The following CCDC18 variants were observed in gnomAD, a reference collection of about 807,000 sequenced individuals.
CCDC18 encodes the protein coiled-coil domain containing 18, also known as coiled-coil domain-containing protein 18.
CCDC18 carries 157 observed loss-of-function variants against 196.0 expected under a neutral mutation model. That is an observed-to-expected ratio of 0.80 (90% CI 0.70 to 0.91). The LOEUF (loss-of-function observed/expected upper bound fraction) is 0.91, where lower values mean the gene tolerates loss of function less well. Ranked by LOEUF, CCDC18 falls within the 40% of genes least tolerant of loss-of-function variation. The pLI is 0.00. For synonymous variants in CCDC18, 482 were observed against 529.2 expected, an observed-to-expected ratio of 0.91 and a Z score of 1.22; for missense variants, 1,465 against 1,611.6, an observed-to-expected ratio of 0.91 and a Z score of 1.56.
intron 23 of CCDC18, 22 bp from the exon 24 acceptor site, chr1:93,254,449 T>C: frequency 2.0e-6 from 3 of 1,514,118 alleles, no homozygotes; most frequent in Non-Finnish European, 2.7e-6. Flanking sequence ...TTACTGATAC[T>C]GCTTATCTGT....
intron 16 of CCDC18, among the ~76,000 whole-genome samples, chr1:93,222,998 AGTATT>A: frequency 6.6e-6 from 1 of 152,294 alleles, no homozygotes; most frequent in Middle Eastern, 3.4e-3. Context: ...ATATTCCTGT[AGTATT>A]CACCAAAACT....
At chr1:93,217,156 C>T (rs916107916) in intron 13 of CCDC18, among the ~76,000 whole-genome samples, 1 of 151,962 alleles carries the variant, frequency 6.6e-6, no homozygotes, top group Non-Finnish European at 1.5e-5. Context: ...AGGATGGTCT[C>T]ATCTCCTGAC....
At chr1:93,234,936 A>AGTGTGTGTGTGTGT (rs3223482) in intron 18 of CCDC18, among the ~76,000 whole-genome samples, 1,814 of 119,292 alleles carry the variant, frequency 0.015, 42 homozygotes, top group African/African-American at 0.033. Context: ...CCCAGCTAAG[A>AGTGTGTGTGTGTGT]GTGTGTGTGT....
At chr1:93,246,249 C>A in intron 22 of CCDC18, 45 bp downstream of exon 22, 1 of 1,357,918 alleles carries the variant, frequency 7.4e-7, no homozygotes, top group Non-Finnish European at 1.0e-6. Context: ...TCTGTTATGA[C>A]ACAGTCACAC....
intron 26 of CCDC18, 31 bp downstream of exon 26, chr1:93,258,916 G>A (rs1261273135): frequency 1.9e-6 from 3 of 1,567,074 alleles, no homozygotes; most frequent in African/African-American, 1.4e-5. Context: ...TTTTGTTAGT[G>A]CCCACTAAAG....
intron 6 of CCDC18, among the ~76,000 whole-genome samples, chr1:93,198,025 A>G (rs968698872): frequency 5.9e-5 from 9 of 152,048 alleles, no homozygotes; most frequent in Admixed American, 1.3e-4. Flanking sequence ...TGCTGGGATT[A>G]CAGGTGTGAG....
intron 24 of CCDC18, among the ~76,000 whole-genome samples, chr1:93,255,446 T>G (rs1468484028): frequency 6.6e-6 from 1 of 152,132 alleles, no homozygotes; most frequent in Non-Finnish European, 1.5e-5. Context: ...AAAGTGAATT[T>G]AGGGTCAGGC....
At chr1:93,265,748 C>T (rs512361) in intron 27 of CCDC18, among the ~76,000 whole-genome samples, 43,607 of 152,084 alleles carry the variant, frequency 0.29, 9,467 homozygotes, top group African/African-American at 0.61. Context: ...AGCTAACTGT[C>T]CTAAATATAT....
intron 14 of CCDC18, among the ~76,000 whole-genome samples, chr1:93,218,702 G>T (rs545615861): frequency 6.6e-6 from 1 of 152,136 alleles, no homozygotes; most frequent in Admixed American, 6.5e-5. Flanking sequence ...TAGAGATGGG[G>T]TTTCACCATG....
intron 24 of CCDC18, among the ~76,000 whole-genome samples, chr1:93,254,934 G>T (rs1255775798): frequency 1.1e-4 from 16 of 142,490 alleles, no homozygotes; most frequent in South Asian, 9.0e-4. Context: ...TAGAATTGAG[G>T]AGTCAGCTTT....
chr1:93,218,241 A>G (rs778185326), intron 14 of CCDC18, among the ~76,000 whole-genome samples: 1 of 152,228 alleles, frequency 6.6e-6, no homozygotes, highest in Admixed American at 6.5e-5. Context: ...ACAGTAAAAA[A>G]AAATAGATAC....
At chr1:93,205,379 C>A in intron 7 of CCDC18, 131 bp from the exon 8 acceptor site, 3 of 712,018 alleles carry the variant, frequency 4.2e-6, no homozygotes, top group Non-Finnish European at 6.6e-6. Context: ...CACTACAAGG[C>A]TGGGGACTTA....
intron 8 of CCDC18, among the ~76,000 whole-genome samples, chr1:93,206,858 G>A (rs1654793139): frequency 6.6e-6 from 1 of 152,078 alleles, no homozygotes; most frequent in Non-Finnish European, 1.5e-5. Context: ...ACCATTTACT[G>A]TGAGACACTA....
intron 4 of CCDC18, among the ~76,000 whole-genome samples, chr1:93,188,478 G>A (rs570429142): frequency 8.8e-4 from 134 of 152,146 alleles, no homozygotes; most frequent in African/African-American, 3.2e-3. Flanking sequence ...TTACTTCCTT[G>A]CCTGCCTGAA....
rs745352316 is a variant in CCDC18, at chr1:93,236,263, C to G, written c.2476C>G (p.Gln826Glu). ...KLEKQVSKLEQELQKQRESSA... is the reference protein window; with the variant it reads ...KLEKQVSKLEEELQKQRESSA... ...GCTTTACAAGGTGTCAAAACTGGAA[C>G]AAGAACTTCAAAAACAAAGGGAAAG... Residue 826 changes from glutamine (Q) to glutamate (E), a missense_variant, in exon 19 of 29, where the codon CAA (glutamine) becomes GAA (glutamate). Coordinates refer to ENST00000690025, the MANE Select transcript of CCDC18 (RefSeq NM_001378204.1). 1.9e-6 allele frequency: 3 copies of G among 1,572,484 alleles called. No individual in the cohort carries two copies. Among genetic ancestry groups the G allele is most frequent in the African/African-American group, 2.8e-5 (2 of 71,420 alleles).
intron 7 of CCDC18, among the ~76,000 whole-genome samples, chr1:93,204,790 A>C (rs1182627948): frequency 6.6e-6 from 1 of 152,004 alleles, no homozygotes. Flanking sequence ...GTTTTAGGGT[A>C]CTGAAATCTT....
intron 6 of CCDC18, among the ~76,000 whole-genome samples, chr1:93,201,045 A>C (rs914983056): frequency 6.6e-6 from 1 of 152,218 alleles, no homozygotes; most frequent in Non-Finnish European, 1.5e-5. Context: ...TTAACCACAT[A>C]GACTCAGAAA....
At position 93,239,755 on chromosome 1, in the gene CCDC18, TTGAGAC is replaced by T; in HGVS notation, c.2844_2849del (p.Thr949_Glu950del). On this transcript the variant is annotated inframe_deletion, in exon 21 of 29. Transcript: ENST00000690025. ...GAAGCCTTGCAAAAACGGGAAGTAC[TTGAGAC>T]TGAACTACAAAATGCTCATGGAGAA... The T allele has an allele frequency of 6.2e-7, 1 of 1,613,808 alleles. No individual in the cohort carries two copies. Among genetic ancestry groups the T allele is most frequent in the Non-Finnish European group, 8.5e-7 (1 of 1,179,838 alleles).
At chr1:93,191,563 G>T (rs1269482647) in intron 4 of CCDC18, among the ~76,000 whole-genome samples, 3 of 152,058 alleles carry the variant, frequency 2.0e-5, no homozygotes, top group Non-Finnish European at 4.4e-5. Flanking sequence ...TTATTATACA[G>T]ATTGTAGGGT....
Sources: allele counts gnomAD v4.1 joint callset (sites outside exome capture counted in the v4.1 genomes callset), GRCh38; gene constraint gnomAD v4.1.1; transcripts MANE v1.5; gene names NCBI Gene and HGNC (gene_info 2026-07-23, HGNC 2026-07-21).